HIVEP3: variants seen among roughly 807,000 people sequenced by gnomAD.
HIVEP3 encodes HIVEP zinc finger 3, also known as transcription factor HIVEP3.
Under a neutral mutation model 152.8 loss-of-function variants are expected in HIVEP3, and 49 were observed. The observed-to-expected ratio is 0.32, with a 90% CI of 0.26 to 0.41. The LOEUF (loss-of-function observed/expected upper bound fraction) is 0.41. HIVEP3 is among the 10% of genes least tolerant of loss of function. The pLI is 1.00. For missense variants in HIVEP3, 2,790 were observed against 3,103.3 expected, an observed-to-expected ratio of 0.90 and a Z score of 2.40; for synonymous variants, 1,269 against 1,289.0, an observed-to-expected ratio of 0.98 and a Z score of 0.33.
At chr1:41,612,606 C>T (rs1366850252) in intron 3 of HIVEP3, among the ~76,000 whole-genome samples, 1 of 152,196 alleles carries the variant, frequency 6.6e-6, no homozygotes, top group Non-Finnish European at 1.5e-5. Flanking sequence ...TCTGATTCTC[C>T]GTCCCATGGT....
At chr1:42,025,220 T>G (rs1421974615) in intron 1 of HIVEP3, among the ~76,000 whole-genome samples, 1 of 152,238 alleles carries the variant, frequency 6.6e-6, no homozygotes, top group East Asian at 1.9e-4. Flanking sequence ...TGTCTCCCTG[T>G]GCAGCATCTG....
intron 2 of HIVEP3, among the ~76,000 whole-genome samples, chr1:41,634,886 G>A (rs1645246627): frequency 6.6e-6 from 1 of 152,154 alleles, no homozygotes; most frequent in African/African-American, 2.4e-5. Context: ...GGTAAAGAAA[G>A]AACAGGAAAT....
At chr1:41,945,122 T>C (rs572991676) in intron 1 of HIVEP3, among the ~76,000 whole-genome samples, 11 of 152,298 alleles carry the variant, frequency 7.2e-5, no homozygotes, top group African/African-American at 1.4e-4. Flanking sequence ...CTCACAATTA[T>C]GTAAAAAGTG....
At chr1:41,570,882 C>T (rs1000294474) in intron 5 of HIVEP3, among the ~76,000 whole-genome samples, 1 of 152,224 alleles carries the variant, frequency 6.6e-6, no homozygotes, top group Non-Finnish European at 1.5e-5. Flanking sequence ...GCAACACAGT[C>T]ACCTTCTTCT....
intron 1 of HIVEP3, among the ~76,000 whole-genome samples, chr1:41,887,924 GT>G (rs1443691351): frequency 6.6e-6 from 1 of 151,582 alleles, no homozygotes; most frequent in Non-Finnish European, 1.5e-5. Context: ...CAGTAACCAC[GT>G]TTTAAATACT....
chr1:41,615,473 G>A (rs1320916622), intron 3 of HIVEP3, among the ~76,000 whole-genome samples: 2 of 152,252 alleles, frequency 1.3e-5, no homozygotes, highest in Non-Finnish European at 2.9e-5. Flanking sequence ...CGTTTGACAG[G>A]TGAAGATGCT....
chr1:41,646,207 C>A (rs868371388), intron 2 of HIVEP3, among the ~76,000 whole-genome samples: 2 of 152,174 alleles, frequency 1.3e-5, no homozygotes, highest in South Asian at 4.1e-4. Flanking sequence ...GCAGTGTCTT[C>A]AAAGGCCTTC....
chr1:41,676,107 A>G (rs1234308068), intron 2 of HIVEP3, among the ~76,000 whole-genome samples: 3 of 151,408 alleles, frequency 2.0e-5, no homozygotes, highest in Admixed American at 6.6e-5. Context: ...GTTGGAGTGC[A>G]GTGGCACCAT....
At chr1:41,679,941 T>C (rs1646013104) in intron 2 of HIVEP3, among the ~76,000 whole-genome samples, 1 of 152,202 alleles carries the variant, frequency 6.6e-6, no homozygotes, top group African/African-American at 2.4e-5. Flanking sequence ...GAACTTCAGG[T>C]CCACTTTGCT....
intron 2 of HIVEP3, among the ~76,000 whole-genome samples, chr1:41,639,901 T>C (rs977417924): frequency 6.6e-5 from 10 of 152,164 alleles, no homozygotes; most frequent in African/African-American, 2.4e-4. Context: ...AGCCCAGTCA[T>C]TGATAGCGAC....
intron 5 of HIVEP3, among the ~76,000 whole-genome samples, chr1:41,534,369 C>T (rs74071577): frequency 0.081 from 12,236 of 151,838 alleles, 1,662 homozygotes; most frequent in African/African-American, 0.28. Flanking sequence ...CACTCCCCCT[C>T]CAGCCATGCC....
At chr1:41,579,610 A>C in intron 4 of HIVEP3, 127 bp downstream of exon 4, 1 of 1,090,658 alleles carries the variant, frequency 9.2e-7, no homozygotes, top group Non-Finnish European at 1.3e-6. Flanking sequence ...CTCAGCTTTC[A>C]GAGAGGAAAT....
intron 2 of HIVEP3, among the ~76,000 whole-genome samples, chr1:41,665,306 T>A (rs1016816835): frequency 1.3e-5 from 2 of 152,166 alleles, no homozygotes; most frequent in African/African-American, 4.8e-5. Flanking sequence ...GCAGGACACC[T>A]TTCCCACCAT....
At chr1:42,010,153 C>T (rs1225829539) in intron 1 of HIVEP3, among the ~76,000 whole-genome samples, 1 of 152,182 alleles carries the variant, frequency 6.6e-6, no homozygotes, top group Admixed American at 6.5e-5. Context: ...CATTGGTCTC[C>T]CAAAGTGCTG....
chr1:41,933,616 T>C (rs1412262330), intron 1 of HIVEP3, among the ~76,000 whole-genome samples: 1 of 152,186 alleles, frequency 6.6e-6, no homozygotes, highest in Non-Finnish European at 1.5e-5. Context: ...TCATACAATC[T>C]GACAATCTCC....
chr1:41,667,342 C>A (rs898730431), intron 2 of HIVEP3, among the ~76,000 whole-genome samples: 32 of 152,374 alleles, frequency 2.1e-4, no homozygotes, highest in African/African-American at 7.5e-4. Flanking sequence ...ATGACAAAAG[C>A]ATCCTCTTTT....
chr1:41,675,770 G>A (rs1242242068), intron 2 of HIVEP3, among the ~76,000 whole-genome samples: 2 of 152,252 alleles, frequency 1.3e-5, no homozygotes, highest in East Asian at 3.8e-4. Flanking sequence ...CATAGAATAT[G>A]ATTCAAACTC....
chr1:41,734,979 A>G (rs1351688878), intron 1 of HIVEP3, among the ~76,000 whole-genome samples: 1 of 152,232 alleles, frequency 6.6e-6, no homozygotes, highest in Non-Finnish European at 1.5e-5. Context: ...GACACCAAAC[A>G]CATCCCTTCT....
chr1:41,858,965 A>G (rs1025392168), intron 1 of HIVEP3, among the ~76,000 whole-genome samples: 1 of 152,218 alleles, frequency 6.6e-6, no homozygotes, highest in Non-Finnish European at 1.5e-5. Context: ...AGGCTGGAGA[A>G]GCTGGAGAGG....
Sources: allele counts gnomAD v4.1 joint callset (sites outside exome capture counted in the v4.1 genomes callset), GRCh38; gene constraint gnomAD v4.1.1; transcripts MANE v1.5; gene names NCBI Gene and HGNC (gene_info 2026-07-23, HGNC 2026-07-21).